Variants in KCTD8 observed in about 807,000 individuals in gnomAD.
KCTD8 encodes BTB/POZ domain-containing protein KCTD8.
A neutral mutation model predicts 31.5 loss-of-function variants in KCTD8; 27 were observed. That is an observed-to-expected ratio of 0.86 (90% CI 0.63 to 1.18). KCTD8 has a LOEUF of 1.18. KCTD8 is among the 50% of genes most tolerant of loss of function. KCTD8 has a pLI of 0.00. For synonymous variants in KCTD8, 290 were observed against 280.0 expected, an observed-to-expected ratio of 1.04 and a Z score of -0.36; for missense variants, 658 against 647.7, an observed-to-expected ratio of 1.02 and a Z score of -0.17.
intron 1 of KCTD8, among the ~76,000 whole-genome samples, chr4:44,277,333 A>C (rs6825680): frequency 0.23 from 35,169 of 151,770 alleles, 4,795 homozygotes; most frequent in Non-Finnish European, 0.31. Context: ...ACTCCATGGC[A>C]AGGAAATCTT....
intron 1 of KCTD8, among the ~76,000 whole-genome samples, chr4:44,442,289 C>G (rs1181315072): frequency 6.6e-6 from 1 of 151,798 alleles, no homozygotes; most frequent in South Asian, 2.1e-4. Flanking sequence ...TATCAATTAA[C>G]TATATATAAA....
chr4:44,213,172 G>A (rs1197617404), intron 1 of KCTD8, among the ~76,000 whole-genome samples: 2 of 152,074 alleles, frequency 1.3e-5, no homozygotes, highest in African/African-American at 4.8e-5. Context: ...TCCTGACCTC[G>A]TGATCCGCCT....
At chr4:44,385,659 C>T (rs1441693575) in intron 1 of KCTD8, among the ~76,000 whole-genome samples, 2 of 151,320 alleles carry the variant, frequency 1.3e-5, no homozygotes, top group Non-Finnish European at 3.0e-5. Flanking sequence ...ATGGATGTGG[C>T]AACAAAAGCA....
chr4:44,293,551 A>G, intron 1 of KCTD8: 2 of 398,262 alleles, frequency 5.0e-6, no homozygotes, highest in South Asian at 3.7e-5. Context: ...AATTGAATTT[A>G]TATAAGAAAA....
At chr4:44,327,310 T>A (rs142565307) in intron 1 of KCTD8, among the ~76,000 whole-genome samples, 10 of 151,906 alleles carry the variant, frequency 6.6e-5, no homozygotes, top group African/African-American at 2.4e-4. Context: ...CTACACATAC[T>A]AGTCTCAGAA....
intron 1 of KCTD8, among the ~76,000 whole-genome samples, chr4:44,280,122 GA>G (rs1263752197): frequency 1.3e-5 from 2 of 152,006 alleles, no homozygotes; most frequent in Non-Finnish European, 2.9e-5. Context: ...ATAGTAGAGA[GA>G]AAATGGTAGG....
intron 1 of KCTD8, among the ~76,000 whole-genome samples, chr4:44,230,857 C>T (rs908158996): frequency 3.9e-5 from 6 of 152,142 alleles, no homozygotes; most frequent in Non-Finnish European, 8.8e-5. Context: ...ATGAGAACAT[C>T]CCATTTTCAA....
chr4:44,321,792 C>A (rs962871412), intron 1 of KCTD8, among the ~76,000 whole-genome samples: 1 of 152,120 alleles, frequency 6.6e-6, no homozygotes. Context: ...AACTACCTTT[C>A]TAGTCTCTAC....
intron 1 of KCTD8, among the ~76,000 whole-genome samples, chr4:44,348,443 A>G (rs894110797): frequency 2.0e-5 from 3 of 152,182 alleles, no homozygotes; most frequent in East Asian, 3.8e-4. Context: ...ACAGTGAAAA[A>G]TAAATATAAA....
chr4:44,308,045 T>A (rs1409837868), intron 1 of KCTD8, among the ~76,000 whole-genome samples: 6 of 152,018 alleles, frequency 3.9e-5, no homozygotes, highest in Admixed American at 2.6e-4. Context: ...ATATCCCTTA[T>A]CTATTTTTCA....
At position 44,251,959 on chromosome 4, in the gene KCTD8, G is replaced by A. The variant is rs1244530601; in HGVS notation, c.962-76709C>T. On this transcript the variant is annotated intron_variant, in intron 1 of 1. Coordinates refer to ENST00000360029, the MANE Select transcript of KCTD8 (RefSeq NM_198353.3). ...TGACTTCTGAGATTCTGGTGTACCCGTCACCCAAGCAGTGTACACTATACC... is the reference window on the plus strand; with the variant it reads ...TGACTTCTGAGATTCTGGTGTACCCATCACCCAAGCAGTGTACACTATACC... Among the ~76,000 whole-genome samples, 15 of 151,594 alleles carry A rather than the reference G, an allele frequency of 9.9e-5. No individual in the cohort carries two copies. The East Asian group carries it at 2.1e-3, about 22-fold the overall frequency.
intron 1 of KCTD8, among the ~76,000 whole-genome samples, chr4:44,362,499 T>C (rs1719524098): frequency 6.6e-6 from 1 of 152,026 alleles, no homozygotes. Context: ...TATAATAATA[T>C]GAGCAGGGTA....
chr4:44,346,983 G>T (rs1413080718), intron 1 of KCTD8, among the ~76,000 whole-genome samples: 2 of 152,102 alleles, frequency 1.3e-5, no homozygotes, highest in African/African-American at 4.8e-5. Flanking sequence ...TCAAAGCATT[G>T]TCTAGAGTTC....
intron 1 of KCTD8, among the ~76,000 whole-genome samples, chr4:44,206,169 G>A (rs1035351237): frequency 2.0e-5 from 3 of 151,914 alleles, no homozygotes; most frequent in Admixed American, 6.6e-5. Context: ...CAAGAGCCCT[G>A]GCTTTAAGTC....
intron 1 of KCTD8, among the ~76,000 whole-genome samples, chr4:44,206,882 G>T (rs1714328607): frequency 6.6e-6 from 1 of 152,200 alleles, no homozygotes; most frequent in Non-Finnish European, 1.5e-5. Flanking sequence ...TGCAGGTTAA[G>T]TATTTGTCTC....
intron 1 of KCTD8, among the ~76,000 whole-genome samples, chr4:44,320,101 G>A (rs984009864): frequency 1.4e-5 from 2 of 145,834 alleles, no homozygotes; most frequent in African/African-American, 5.1e-5. Flanking sequence ...GAACCCAGGA[G>A]GCAGAGGTTG....
intron 1 of KCTD8, among the ~76,000 whole-genome samples, chr4:44,181,107 A>ACTGT (rs1241705368): frequency 6.6e-6 from 1 of 151,594 alleles, no homozygotes; most frequent in Non-Finnish European, 1.5e-5. Flanking sequence ...CATAGTGCAG[A>ACTGT]CTGTCTGGGT....
intron 1 of KCTD8, among the ~76,000 whole-genome samples, chr4:44,200,725 C>T (rs536072943): frequency 6.6e-6 from 1 of 152,004 alleles, no homozygotes; most frequent in Non-Finnish European, 1.5e-5. Flanking sequence ...AAGCTTAAAT[C>T]ATTGCCCTTG....
At chr4:44,403,130 G>A (rs959717818) in intron 1 of KCTD8, among the ~76,000 whole-genome samples, 8 of 152,082 alleles carry the variant, frequency 5.3e-5, no homozygotes, top group African/African-American at 1.7e-4. Flanking sequence ...ATCTTGTCAA[G>A]CATATAATCA....
Sources: allele counts gnomAD v4.1 joint callset (sites outside exome capture counted in the v4.1 genomes callset), GRCh38; gene constraint gnomAD v4.1.1; transcripts MANE v1.5; gene names NCBI Gene and HGNC (gene_info 2026-07-23, HGNC 2026-07-21).